Variants in CASD1 observed in about 807,000 individuals in gnomAD.
The protein encoded by CASD1 is CAS1 domain sialic acid O acetyltransferase 1.
A neutral mutation model predicts 100.0 loss-of-function variants in CASD1; 41 were observed. That is an observed-to-expected ratio of 0.41 (90% confidence interval 0.32 to 0.53). CASD1 has a LOEUF of 0.53. Ranked by LOEUF, CASD1 falls within the 20% of genes least tolerant of loss-of-function variation. CASD1 has a pLI of 0.25. For missense variants in CASD1, 774 were observed against 948.7 expected (o/e 0.82, Z 2.42); for synonymous variants, 321 against 315.6 (o/e 1.02, Z -0.18).
the CASD1 span, chr7:94,598,198 T>C: frequency 1.9e-5 from 3 of 161,370 alleles, no homozygotes; most frequent in Non-Finnish European, 2.7e-5. Flanking sequence ...CTCACCCTTG[T>C]CTACTCCTTA....
intron 2 of CASD1, 54 bp downstream of exon 2, chr7:94,517,710 G>T: frequency 9.7e-7 from 1 of 1,035,084 alleles, no homozygotes; most frequent in East Asian, 2.4e-5. Flanking sequence ...TTAATATGTA[G>T]TGGAGAGGGG....
the CASD1 span, chr7:94,623,272 A>C: frequency 1.8e-5 from 20 of 1,128,854 alleles, no homozygotes; most frequent in Admixed American, 2.7e-4. Flanking sequence ...GTTATAAAAC[A>C]TAATGAAATA....
At chr7:94,598,958 T>A in the CASD1 span, 1 of 1,613,028 alleles carries the variant, frequency 6.2e-7, no homozygotes, top group Non-Finnish European at 8.5e-7. Flanking sequence ...ATGGACCAGT[T>A]GGATGCTAGG....
At chr7:94,588,167 T>C in the CASD1 span, 4 of 1,101,558 alleles carry the variant, frequency 3.6e-6, no homozygotes, top group Non-Finnish European at 4.4e-6. Flanking sequence ...CTTAGGGAAA[T>C]AGAATAATCC....
chr7:94,628,400 T>C, the CASD1 span: 1 of 1,505,152 alleles, frequency 6.6e-7, no homozygotes, highest in African/African-American at 1.4e-5. Flanking sequence ...GACAGTTATT[T>C]TCACACATGT....
At chr7:94,567,658 C>A in the CASD1 span, among the ~76,000 whole-genome samples, 1 of 152,110 alleles carries the variant, frequency 6.6e-6, no homozygotes. Context: ...TCTACTGTTG[C>A]CAGCCTATGC....
chr7:94,556,319 G>A lies in CASD1; in HGVS notation c.*561G>A, dbSNP rs116619843. Reference sequence around the variant, plus strand: ...TGTTCTTGTTCTGATGTTGTTTCCTGAAATGATTTTTCTTCCTAACTGTGG... The same window carrying A: ...TGTTCTTGTTCTGATGTTGTTTCCTAAAATGATTTTTCTTCCTAACTGTGG... On this transcript the variant is annotated 3_prime_UTR_variant, in exon 18 of 18. Coordinates refer to ENST00000297273, the MANE Select transcript of CASD1 (RefSeq NM_022900.5). 6.6e-6 allele frequency: 1 copy of A among 152,248 alleles called. No individual in the cohort carries two copies. Among genetic ancestry groups the A allele is most frequent in the African/African-American group, 2.4e-5 (1 of 41,564 alleles). The allele number at this position is 152,248 out of a possible 1,614,324, so 9.4% of individuals were successfully genotyped here.
chr7:94,520,143 G>A (rs1794189433), intron 3 of CASD1, among the ~76,000 whole-genome samples: 1 of 152,142 alleles, frequency 6.6e-6, no homozygotes, highest in African/African-American at 2.4e-5. Flanking sequence ...CAATTTTCAA[G>A]AAAATATTTA....
chr7:94,555,053 T>C (rs1289856175), intron 17 of CASD1, among the ~76,000 whole-genome samples: 1 of 152,134 alleles, frequency 6.6e-6, no homozygotes, highest in Non-Finnish European at 1.5e-5. Context: ...TTGTGTAAGA[T>C]ACATAATATG....
At chr7:94,523,662 C>G (rs542522954) in intron 3 of CASD1, among the ~76,000 whole-genome samples, 1 of 152,136 alleles carries the variant, frequency 6.6e-6, no homozygotes, top group Admixed American at 6.5e-5. Context: ...CAGTGTAATT[C>G]CAACAAAATC....
At chr7:94,517,745 C>CT in intron 2 of CASD1, 89 bp downstream of exon 2, 1 of 762,676 alleles carries the variant, frequency 1.3e-6, no homozygotes, top group Non-Finnish European at 2.2e-6. Context: ...CTTTTCATCT[C>CT]TATGTTGGGG....
At chr7:94,580,495 A>G in the CASD1 span, among the ~76,000 whole-genome samples, 1 of 152,132 alleles carries the variant, frequency 6.6e-6, no homozygotes, top group Non-Finnish European at 1.5e-5. Flanking sequence ...CTAAATTTTT[A>G]TTGAAGATTT....
At chr7:94,628,150 AC>A in the CASD1 span, 6 of 1,394,768 alleles carry the variant, frequency 4.3e-6, no homozygotes, top group African/African-American at 8.5e-5. Flanking sequence ...ACACACACAC[AC>A]ACACACACAC....
chr7:94,511,092 G>GT lies in CASD1; in HGVS notation c.133+883dup, dbSNP rs796123506. On this transcript the variant is annotated intron_variant, in intron 1 of 17. Transcript: ENST00000297273. Reference sequence around the variant, plus strand: ...ATTTACTTCTCCTTGCTGATTGATTGTTTTTTTTCCTTTGTAAAAATGTCA... The same window carrying GT: ...ATTTACTTCTCCTTGCTGATTGATTGTTTTTTTTTCCTTTGTAAAAATGTCA... 2.7e-3 allele frequency among the ~76,000 whole-genome samples: 411 copies of GT among 152,104 alleles called. 1 individual carries two copies. Among genetic ancestry groups the GT allele is most frequent in the African/African-American group, 9.3e-3 (387 of 41,478 alleles).
chr7:94,615,425 A>ATAG, the CASD1 span, among the ~76,000 whole-genome samples: 16 of 133,434 alleles, frequency 1.2e-4, no homozygotes, highest in Non-Finnish European at 2.1e-4. Flanking sequence ...TAGATAGATA[A>ATAG]AGGGCAATTC....
chr7:94,599,446 A>C, the CASD1 span: 1 of 486,518 alleles, frequency 2.1e-6, no homozygotes, highest in Non-Finnish European at 3.6e-6. Flanking sequence ...TATAAATGGT[A>C]AGTTAATATT....
At chr7:94,568,005 A>G in the CASD1 span, among the ~76,000 whole-genome samples, 4 of 152,210 alleles carry the variant, frequency 2.6e-5, no homozygotes, top group South Asian at 8.3e-4. Flanking sequence ...TTTTTAAGAA[A>G]TAAGCTGATT....
At chr7:94,529,815 G>C (rs952465678) in intron 5 of CASD1, among the ~76,000 whole-genome samples, 1 of 152,166 alleles carries the variant, frequency 6.6e-6, no homozygotes, top group Non-Finnish European at 1.5e-5. Context: ...AGGATAGGAG[G>C]TGGTGAGAGT....
the CASD1 span, chr7:94,599,043 A>C: frequency 9.7e-7 from 1 of 1,027,106 alleles, no homozygotes; most frequent in South Asian, 1.5e-5. Flanking sequence ...AAAACTTATG[A>C]AGTATTTTTA....
Sources: gnomAD v4.1 joint callset for allele counts (sites outside exome capture counted in the v4.1 genomes callset) on GRCh38, gnomAD v4.1.1 for gene constraint, MANE v1.5 for transcripts, NCBI Gene and HGNC (gene_info 2026-07-23, HGNC 2026-07-21) for gene names.